MDFIC: variants seen among roughly 807,000 people sequenced by gnomAD.
The protein encoded by MDFIC is MyoD family inhibitor domain containing, also known as myoD family inhibitor domain-containing protein.
In MDFIC, 17 loss-of-function variants were observed where a neutral mutation model predicts 23.2. The observed-to-expected ratio is 0.73, with a 90% CI of 0.50 to 1.10. MDFIC has a LOEUF of 1.10. Ranked by LOEUF, MDFIC falls within the 50% of genes least tolerant of loss-of-function variation. MDFIC has a pLI of 0.00. For missense variants in MDFIC, 356 were observed against 316.6 expected, an observed-to-expected ratio of 1.12 and a Z score of -0.95; for synonymous variants, 120 against 115.2, an observed-to-expected ratio of 1.04 and a Z score of -0.27.
intron 4 of MDFIC, among the ~76,000 whole-genome samples, chr7:114,996,525 AGTG>A (rs1270188736): frequency 1.3e-5 from 2 of 152,164 alleles, no homozygotes; most frequent in Non-Finnish European, 2.9e-5. Flanking sequence ...TATCTGTACA[AGTG>A]GTGATGTGGA....
At chr7:114,932,968 C>G (rs1250227903) in intron 2 of MDFIC, among the ~76,000 whole-genome samples, 1 of 152,188 alleles carries the variant, frequency 6.6e-6, no homozygotes, top group African/African-American at 2.4e-5. Flanking sequence ...AATTCAATAT[C>G]AGACTCAAAG....
intron 3 of MDFIC, among the ~76,000 whole-genome samples, chr7:114,951,124 T>C (rs932191299): frequency 6.6e-6 from 1 of 152,208 alleles, no homozygotes; most frequent in Admixed American, 6.5e-5. Flanking sequence ...AGGTTGGGAC[T>C]GCAGTGAACT....
intron 4 of MDFIC, among the ~76,000 whole-genome samples, chr7:115,002,337 T>C (rs1173626347): frequency 6.6e-6 from 1 of 152,172 alleles, no homozygotes; most frequent in Non-Finnish European, 1.5e-5. Context: ...TGAAGAAACC[T>C]TGATGACCAT....
At chr7:114,945,939 G>C (rs1236593291) in intron 3 of MDFIC, among the ~76,000 whole-genome samples, 2 of 152,062 alleles carry the variant, frequency 1.3e-5, no homozygotes, top group African/African-American at 4.8e-5. Context: ...ATTTATAAGA[G>C]CACCAACTAA....
At chr7:114,937,106 T>C (rs1354812179) in intron 2 of MDFIC, among the ~76,000 whole-genome samples, 27 of 152,110 alleles carry the variant, frequency 1.8e-4, no homozygotes, top group Admixed American at 1.7e-3. Context: ...ATTTAGATAA[T>C]GCCAACTAGG....
chr7:114,947,141 G>A (rs1362841636), intron 3 of MDFIC, among the ~76,000 whole-genome samples: 2 of 152,030 alleles, frequency 1.3e-5, no homozygotes, highest in Admixed American at 6.6e-5. Context: ...TCATCAACCA[G>A]CCCCTAGATA....
In MDFIC at chr7:114,949,628, A is replaced by G. The variant is rs1042728052; in HGVS notation, c.217+7231A>G. Among the ~76,000 whole-genome samples the G allele has an allele frequency of 5.9e-5, 9 of 152,352 alleles. No homozygotes were observed. The East Asian group carries it at 1.7e-3, about 29-fold the overall frequency. On this transcript the variant is annotated intron_variant, in intron 3 of 4. Coordinates refer to ENST00000393486, the MANE Select transcript of MDFIC (RefSeq NM_001166345.3). Reference sequence around the variant, plus strand: ...GAAGACTGAATGCTTACAGTTTACCAACTGAGTTATGTTGGAGATAACAGT... The same window carrying G: ...GAAGACTGAATGCTTACAGTTTACCGACTGAGTTATGTTGGAGATAACAGT...
chr7:114,983,683 T>G (rs1338790694), intron 4 of MDFIC, among the ~76,000 whole-genome samples: 2 of 147,852 alleles, frequency 1.4e-5, no homozygotes, highest in Non-Finnish European at 3.0e-5. Flanking sequence ...TTCGCCTGCC[T>G]CAGCCTCCTG....
chr7:114,963,057 G>A (rs1333588800), intron 3 of MDFIC, among the ~76,000 whole-genome samples: 1 of 152,078 alleles, frequency 6.6e-6, no homozygotes. Flanking sequence ...TACAGTTGAT[G>A]GCCCCTTTAT....
At chr7:114,925,496 A>C (rs1252906546) in intron 2 of MDFIC, among the ~76,000 whole-genome samples, 1 of 152,184 alleles carries the variant, frequency 6.6e-6, no homozygotes, top group African/African-American at 2.4e-5. Flanking sequence ...TGGTTCTGCA[A>C]GGCTTTCTAT....
chr7:114,922,964 T>G lies in MDFIC; in HGVS notation c.-70T>G. The G allele has an allele frequency of 1.9e-6, 3 of 1,560,454 alleles. No individual in the cohort carries two copies. Among genetic ancestry groups the G allele is most frequent in the Non-Finnish European group, 1.7e-6 (2 of 1,154,218 alleles). ...CCCTGCACCCAGCACCTCACAGCCCTTCCTCCGTGCGCCCTGCCGGGCGGC... is the reference window on the plus strand; with the variant it reads ...CCCTGCACCCAGCACCTCACAGCCCGTCCTCCGTGCGCCCTGCCGGGCGGC... On this transcript the variant is annotated 5_prime_UTR_variant, in exon 2 of 5. Transcript: ENST00000393486.
intron 4 of MDFIC, among the ~76,000 whole-genome samples, chr7:115,013,372 G>T (rs901929049): frequency 3.2e-4 from 49 of 152,132 alleles, no homozygotes; most frequent in African/African-American, 1.1e-3. Flanking sequence ...CCTTTAAAAT[G>T]GATAGATCCA....
chr7:114,983,378 A>G (rs1440164699), intron 4 of MDFIC, among the ~76,000 whole-genome samples: 3 of 151,996 alleles, frequency 2.0e-5, no homozygotes, highest in Admixed American at 6.6e-5. Context: ...TTGATTAAGA[A>G]CTCTAAGGGC....
chr7:114,940,153 T>C (rs1029073475), intron 2 of MDFIC, among the ~76,000 whole-genome samples: 2 of 152,220 alleles, frequency 1.3e-5, no homozygotes, highest in Non-Finnish European at 2.9e-5. Context: ...CTAGAACATA[T>C]TGGTTTAGCA....
At chr7:114,942,434 G>C (rs1357722982) in intron 3 of MDFIC, 37 bp downstream of exon 3, 5 of 1,517,434 alleles carry the variant, frequency 3.3e-6, no homozygotes, top group Non-Finnish European at 4.5e-6. Flanking sequence ...GTGATTTTGG[G>C]ATATGACTAT....
chr7:114,972,190 ATAC>A (rs1286034797), intron 3 of MDFIC, among the ~76,000 whole-genome samples: 1 of 152,160 alleles, frequency 6.6e-6, no homozygotes, highest in African/African-American at 2.4e-5. Flanking sequence ...GAAATGGGAA[ATAC>A]TGACTCTAGC....
At chr7:114,983,110 T>C (rs1793446187) in intron 4 of MDFIC, among the ~76,000 whole-genome samples, 1 of 152,212 alleles carries the variant, frequency 6.6e-6, no homozygotes, top group African/African-American at 2.4e-5. Flanking sequence ...TTTATGACTG[T>C]TCTGCTTCAC....
At chr7:115,005,467 C>A (rs1791551736) in intron 4 of MDFIC, among the ~76,000 whole-genome samples, 1 of 152,140 alleles carries the variant, frequency 6.6e-6, no homozygotes, top group Non-Finnish European at 1.5e-5. Context: ...CATTAGCTTG[C>A]CCAAATGGTA....
chr7:114,929,689 T>C (rs1792271883), intron 2 of MDFIC, among the ~76,000 whole-genome samples: 1 of 152,190 alleles, frequency 6.6e-6, no homozygotes, highest in Non-Finnish European at 1.5e-5. Context: ...AAAAGAGTTT[T>C]GGTTTGTTTA....
Sources: allele counts gnomAD v4.1 joint callset (sites outside exome capture counted in the v4.1 genomes callset), GRCh38; gene constraint gnomAD v4.1.1; transcripts MANE v1.5; gene names NCBI Gene and HGNC (gene_info 2026-07-23, HGNC 2026-07-21).